Variants in ZNF274 observed in about 807,000 individuals in gnomAD.
ZNF274 encodes neurotrophin receptor-interacting factor homolog.
ZNF274 carries 23 observed loss-of-function variants against 42.5 expected under a neutral mutation model. The ratio of observed to expected loss-of-function variants is 0.54; its 90% CI spans 0.39 to 0.77. The LOEUF (loss-of-function observed/expected upper bound fraction) is 0.77, where lower values mean the gene tolerates loss of function less well. Among genes scored for constraint, ZNF274 ranks in the 30% least tolerant of loss-of-function variants. The pLI, the probability that ZNF274 is intolerant of heterozygous loss-of-function variation, is 0.00. For missense variants in ZNF274, 679 were observed against 806.5 expected, an observed-to-expected ratio of 0.84 and a Z score of 1.91; for synonymous variants, 292 against 305.4, an observed-to-expected ratio of 0.96 and a Z score of 0.46.
intron 4 of ZNF274, among the ~76,000 whole-genome samples, chr19:58,196,563 A>G (rs777799229): frequency 2.6e-5 from 4 of 152,222 alleles, no homozygotes; most frequent in Non-Finnish European, 5.9e-5. Flanking sequence ...AATGAGTCCT[A>G]CAAATAAGAA....
At chr19:58,188,410 C>T (rs1272654614) in intron 4 of ZNF274, among the ~76,000 whole-genome samples, 1 of 150,292 alleles carries the variant, frequency 6.7e-6, no homozygotes, top group Non-Finnish European at 1.5e-5. Context: ...CATTTGAAGT[C>T]GGGAGTTTGA....
At chr19:58,192,083 G>A (rs2075784666) in intron 4 of ZNF274, among the ~76,000 whole-genome samples, 1 of 152,198 alleles carries the variant, frequency 6.6e-6, no homozygotes, top group African/African-American at 2.4e-5. Context: ...GCCAATTCCT[G>A]AAGGAAAATA....
intron 4 of ZNF274, among the ~76,000 whole-genome samples, chr19:58,188,619 AAAT>A (rs1345518733): frequency 2.3e-4 from 11 of 47,402 alleles, no homozygotes; most frequent in African/African-American, 1.0e-3. Flanking sequence ...AAAAAAAAAA[AAAT>A]ATATATATAT....
intron 4 of ZNF274, chr19:58,202,407 A>G (rs7250280): frequency 0.19 from 29,591 of 152,232 alleles, 3,733 homozygotes; most frequent in Middle Eastern, 0.36. Flanking sequence ...GTATCTCATC[A>G]CTTTGGGTGA....
chr19:58,212,299 G>GT lies in ZNF274; in HGVS notation c.1119dup (p.Gly374TrpfsTer28). On this transcript the variant is annotated frameshift_variant, in exon 8 of 8. Coordinates refer to ENST00000617501, the MANE Select transcript of ZNF274 (RefSeq NM_133502.3). LOFTEE classifies it low-confidence loss of function (END_TRUNC). This position sits in a 1 kb window ranked among gnomAD's most constrained non-coding sequence, Gnocchi z 4.6. ...TCTACATTAGAAGATACCTTGCAGG[G>GT]TGGGGTCCAGGAAGTCCAAGACACA... The GT allele has an allele frequency of 6.2e-7, 1 of 1,613,994 alleles. No individual in the cohort carries two copies. The highest frequency in any genetic ancestry group is 2.2e-5 in the East Asian group (1 of 44,890).
chr19:58,196,849 T>G (rs1411859537), intron 4 of ZNF274, among the ~76,000 whole-genome samples: 1 of 152,246 alleles, frequency 6.6e-6, no homozygotes, highest in Admixed American at 6.5e-5. Flanking sequence ...TTTGCCATCT[T>G]TCACGGGACA....
chr19:58,206,627 T>C (rs1241800090), intron 4 of ZNF274, 93 bp from the exon 5 acceptor site: 4 of 1,396,320 alleles, frequency 2.9e-6, no homozygotes, highest in Non-Finnish European at 3.8e-6. Flanking sequence ...TATTCCACTG[T>C]GGTTTTGACT....
rs1209657794 is a variant in ZNF274, at chr19:58,206,906, A to T, written c.443A>T (p.Gln148Leu). 1 of 1,613,516 alleles carries T rather than the reference A, an allele frequency of 6.2e-7. No individual in the cohort carries two copies. The highest frequency in any genetic ancestry group is 1.1e-5 in the South Asian group (1 of 90,970). ...GCAGATGCCCCCAGTGAGCAGGTCC[A>T]ACAGCAGGGCAAGCATCCAGGTGAC... ...LSADAPSEQV[Q>L]QQGKHPGDPE... The change falls in exon 5 of 8, where the codon CAA becomes CTA. Residue 148 changes from glutamine to leucine, a missense_variant. Physicochemically the swap from Gln to Leu is moderately radical, Grantham distance 113. Around this residue, in one of 2 missense-constraint regions of ZNF274, gnomAD observed 223 missense variants for 216.4 expected, o/e 1.03. Coordinates refer to ENST00000617501, the MANE Select transcript of ZNF274 (RefSeq NM_133502.3).
In ZNF274 at chr19:58,212,549, A is replaced by G. The variant is rs1245590010; in HGVS notation, c.1368A>G (p.Gln456=). 1 of 1,614,052 alleles carries G rather than the reference A, an allele frequency of 6.2e-7. No homozygotes were observed. The highest frequency in any genetic ancestry group is 1.3e-5 in the African/African-American group (1 of 75,068). The part of the protein sequence containing the change: ...PRKRLRKRDS[Q]VKSMKHNSRV... ...AACGATTGCGCAAACGTGACTCACA[A>G]GTTAAAAGTATGAAACATAATTCAC... Residue 456 remains glutamine (Q), a synonymous_variant, in exon 8 of 8, where the codon CAA becomes CAG. Transcript: ENST00000617501. This position sits in a 1 kb window ranked among gnomAD's most constrained non-coding sequence, Gnocchi z 4.6.
At chr19:58,199,768 T>C (rs1268920786) in intron 4 of ZNF274, among the ~76,000 whole-genome samples, 1 of 152,246 alleles carries the variant, frequency 6.6e-6, no homozygotes, top group African/African-American at 2.4e-5. Context: ...GACATGGATA[T>C]ACAAAATACA....
chr19:58,210,131 C>A, intron 6 of ZNF274, 58 bp downstream of exon 6: 1 of 1,410,824 alleles, frequency 7.1e-7, no homozygotes, highest in Non-Finnish European at 9.9e-7. Flanking sequence ...GCAGGCCCAC[C>A]CCTGAGGCAT....
At position 58,208,085 on chromosome 19, in the gene ZNF274, C is replaced by G. The variant is rs2075998968; in HGVS notation, c.739+883C>G. On this transcript the variant is annotated intron_variant, in intron 5 of 7. Transcript: ENST00000617501. This position sits in a 1 kb window ranked among gnomAD's most constrained non-coding sequence, Gnocchi z 4.5. ...GAGTGTGTATTTGGGAATAAGACTG[C>G]AAGACTTGGTTTCTTCATCAGGCTG... The G allele has an allele frequency of 6.6e-6, 1 of 152,274 alleles. No individual in the cohort carries two copies. Among genetic ancestry groups the G allele is most frequent in the Non-Finnish European group, 1.5e-5 (1 of 68,084 alleles). 9.4% of individuals were successfully genotyped at this position (152,274 alleles called of 1,614,324 possible). A position where few individuals can be genotyped will look rare whatever the true frequency, so the allele number is the denominator to read the frequency against.
chr19:58,194,733 CGCGGTGGCTG>C (rs367973489), intron 4 of ZNF274, among the ~76,000 whole-genome samples: 6,285 of 151,606 alleles, frequency 0.041, 172 homozygotes, highest in East Asian at 0.12. Context: ...TTCGGCCGGG[CGCGGTGGCTG>C]ATGTCTATAA....
chr19:58,206,830 C>T lies in ZNF274; in HGVS notation c.367C>T (p.Pro123Ser), dbSNP rs1434256571. 5 of 1,613,808 alleles carry T rather than the reference C, an allele frequency of 3.1e-6. No individual in the cohort carries two copies. Among genetic ancestry groups the T allele is most frequent in the Non-Finnish European group, 4.2e-6 (5 of 1,179,882 alleles). The change falls in exon 5 of 8, where the codon CCC (proline) becomes TCC (serine). Residue 123 changes from proline (P) to serine (S), a missense_variant. Physicochemically the swap from Pro to Ser is moderately conservative, Grantham distance 74 (BLOSUM62 -1). Transcript: ENST00000617501. ...CACACTGAACCAGGAGGTGGCTGGT[C>T]CCCGGAATGCCCAGATCCAGGCCCT... ...VLTLNQEVAG[P>S]RNAQIQALYA...
intron 4 of ZNF274, among the ~76,000 whole-genome samples, chr19:58,199,593 G>C (rs780585253): frequency 2.0e-5 from 3 of 152,276 alleles, no homozygotes; most frequent in Non-Finnish European, 4.4e-5. Flanking sequence ...GTGGTGGCGT[G>C]CACCTGTAAT....
At chr19:58,188,680 A>G (rs866202089) in intron 4 of ZNF274, among the ~76,000 whole-genome samples, 32 of 75,676 alleles carry the variant, frequency 4.2e-4, no homozygotes, top group South Asian at 5.2e-4. Flanking sequence ...GTGTGTGTAT[A>G]TATATATGTA....
Position 58,200,266 on chromosome 19 carries a change from G to T in ZNF274, c.257-6454G>T, listed in dbSNP as rs146018519. ...AAGTTGCCCATTCAGTACCTCAATT[G>T]CACTGGGCACCTTTCAACTGCTCAT... On this transcript the variant is annotated intron_variant, in intron 4 of 7. Transcript: ENST00000617501. Among the ~76,000 whole-genome samples the T allele has an allele frequency of 2.4e-3, 371 of 152,288 alleles. 3 individuals carry two copies. The highest frequency in any genetic ancestry group is 3.8e-3 in the Non-Finnish European group (261 of 68,022).
chr19:58,200,857 A>G (rs935677936), intron 4 of ZNF274, among the ~76,000 whole-genome samples: 1 of 152,130 alleles, frequency 6.6e-6, no homozygotes, highest in Admixed American at 6.6e-5. Context: ...ACAGTTCTGC[A>G]GGCTGTACAA....
At chr19:58,185,500 G>A in intron 2 of ZNF274, 1 of 319,286 alleles carries the variant, frequency 3.1e-6, no homozygotes, top group Non-Finnish European at 5.8e-6. Context: ...GAGATCTCAT[G>A]TGTTGCTCTC....
Sources: gnomAD v4.1 joint callset for allele counts (sites outside exome capture counted in the v4.1 genomes callset) on GRCh38, gnomAD v4.1.1 for gene constraint, gnomAD v4.1.1 regional missense constraint, Gnocchi (gnomAD v3.1) non-coding constraint, MANE v1.5 for transcripts, NCBI Gene and HGNC (gene_info 2026-07-23, HGNC 2026-07-21) for gene names.